The following ATP8A2 variants were observed in gnomAD, a reference collection of about 807,000 sequenced individuals.
ATP8A2 encodes the protein ATPase phospholipid transporting 8A2.
In ATP8A2, 100 loss-of-function variants were observed where a neutral mutation model predicts 165.6. The ratio of observed to expected loss-of-function variants is 0.60; its 90% CI spans 0.51 to 0.71. The LOEUF (loss-of-function observed/expected upper bound fraction) is 0.71. Among genes scored for constraint, ATP8A2 ranks in the 30% least tolerant of loss-of-function variants. The pLI is 0.00. For missense variants in ATP8A2, 1,227 were observed against 1,479.5 expected (o/e 0.83, Z 2.80); for synonymous variants, 543 against 548.8 (o/e 0.99, Z 0.15).
chr13:25,923,601 T>C (rs531070950), intron 33 of ATP8A2, among the ~76,000 whole-genome samples: 1 of 146,672 alleles, frequency 6.8e-6, no homozygotes, highest in African/African-American at 2.5e-5. Flanking sequence ...CAGTGTAGCC[T>C]GGGGATAATT....
chr13:25,777,607 A>G (rs1344500496), intron 27 of ATP8A2, among the ~76,000 whole-genome samples: 1 of 152,266 alleles, frequency 6.6e-6, no homozygotes, highest in Non-Finnish European at 1.5e-5. Context: ...CCTCTAAGAT[A>G]CATAACTACT....
intron 25 of ATP8A2, among the ~76,000 whole-genome samples, chr13:25,729,996 T>C (rs1246449375): frequency 6.6e-6 from 1 of 152,204 alleles, no homozygotes. Context: ...TCTAACTTAA[T>C]TTATTAGAAA....
At chr13:25,913,228 G>A (rs976709298) in intron 33 of ATP8A2, among the ~76,000 whole-genome samples, 2 of 152,120 alleles carry the variant, frequency 1.3e-5, no homozygotes, top group Non-Finnish European at 2.9e-5. Context: ...TGACTCTGAA[G>A]CCTACACTGT....
intron 23 of ATP8A2, 29 bp downstream of exon 23, chr13:25,581,986 T>C: frequency 6.3e-7 from 1 of 1,580,914 alleles, no homozygotes; most frequent in Non-Finnish European, 8.6e-7. Context: ...AATTTCCTGA[T>C]GCTGGGTTTT....
intron 1 of ATP8A2, among the ~76,000 whole-genome samples, chr13:25,453,497 C>T (rs1490043439): frequency 6.6e-6 from 1 of 152,040 alleles, no homozygotes; most frequent in Admixed American, 6.6e-5. Context: ...CGGCTTATGG[C>T]CTCGGGATTG....
At chr13:25,458,710 G>T (rs1460449611) in intron 1 of ATP8A2, among the ~76,000 whole-genome samples, 1 of 152,202 alleles carries the variant, frequency 6.6e-6, no homozygotes, top group African/African-American at 2.4e-5. Flanking sequence ...TCTCCGTGGG[G>T]AAAGTTTTCC....
intron 2 of ATP8A2, among the ~76,000 whole-genome samples, chr13:25,481,473 C>A (rs1016242089): frequency 1.3e-5 from 2 of 152,112 alleles, no homozygotes; most frequent in South Asian, 2.1e-4. Context: ...GATTCTTAAA[C>A]CATTTGTTCT....
chr13:25,867,914 C>T, intron 33 of ATP8A2: 1 of 220,892 alleles, frequency 4.5e-6, no homozygotes, highest in South Asian at 5.2e-5. Flanking sequence ...ACAAAAGTGT[C>T]TTTTTTTTAT....
intron 33 of ATP8A2, among the ~76,000 whole-genome samples, chr13:25,890,462 T>C (rs1404353523): frequency 6.6e-6 from 1 of 152,246 alleles, no homozygotes; most frequent in Non-Finnish European, 1.5e-5. Context: ...AAATATATTG[T>C]ACTAGAAGAT....
At chr13:25,432,336 A>G (rs640894) in intron 1 of ATP8A2, among the ~76,000 whole-genome samples, 105,548 of 152,038 alleles carry the variant, frequency 0.69, 37,219 homozygotes, top group East Asian at 0.99. Context: ...ATGGCCAGAA[A>G]ACAACTTTTG....
At chr13:25,827,262 C>A (rs1300539744) in intron 27 of ATP8A2, among the ~76,000 whole-genome samples, 2 of 152,134 alleles carry the variant, frequency 1.3e-5, no homozygotes, top group Admixed American at 6.5e-5. Flanking sequence ...CAGGTGCGTG[C>A]CACCACACCC....
intron 35 of ATP8A2, among the ~76,000 whole-genome samples, chr13:26,009,909 T>C (rs1956808633): frequency 6.6e-6 from 1 of 151,802 alleles, no homozygotes; most frequent in African/African-American, 2.4e-5. Flanking sequence ...CTACTAAAAA[T>C]ACAAAAATTA....
intron 33 of ATP8A2, among the ~76,000 whole-genome samples, chr13:25,884,345 C>T (rs1953076213): frequency 6.6e-6 from 1 of 152,110 alleles, no homozygotes; most frequent in African/African-American, 2.4e-5. Flanking sequence ...CATGTCGGGA[C>T]CTCATTCCCT....
At chr13:25,799,302 G>A (rs894999210) in intron 27 of ATP8A2, among the ~76,000 whole-genome samples, 1 of 152,126 alleles carries the variant, frequency 6.6e-6, no homozygotes, top group Non-Finnish European at 1.5e-5. Context: ...CTTTCCTTTT[G>A]GGGTAGGAAG....
At chr13:25,423,865 C>T (rs572784518) in intron 1 of ATP8A2, among the ~76,000 whole-genome samples, 1 of 152,292 alleles carries the variant, frequency 6.6e-6, no homozygotes, top group East Asian at 1.9e-4. Context: ...AAGGAATCTA[C>T]AAGCCAGTGA....
intron 25 of ATP8A2, among the ~76,000 whole-genome samples, chr13:25,767,068 A>G (rs910485996): frequency 1.3e-5 from 2 of 152,226 alleles, no homozygotes; most frequent in Non-Finnish European, 2.9e-5. Flanking sequence ...TGTGGCTCCC[A>G]GGTTGTTTTC....
intron 24 of ATP8A2, among the ~76,000 whole-genome samples, chr13:25,674,633 A>G (rs2042335929): frequency 6.6e-6 from 1 of 152,214 alleles, no homozygotes; most frequent in South Asian, 2.1e-4. Flanking sequence ...TAAAATTCCC[A>G]TCAGACTTGG....
At chr13:25,605,587 A>G (rs1219280520) in intron 24 of ATP8A2, among the ~76,000 whole-genome samples, 2 of 152,170 alleles carry the variant, frequency 1.3e-5, no homozygotes, top group African/African-American at 2.4e-5. Flanking sequence ...TAGTGTATAT[A>G]CATATATGCC....
At chr13:25,648,074 T>A (rs1351954084) in intron 24 of ATP8A2, among the ~76,000 whole-genome samples, 1 of 152,188 alleles carries the variant, frequency 6.6e-6, no homozygotes, top group African/African-American at 2.4e-5. Flanking sequence ...GGTCTCTTGA[T>A]GATATCCCAT....
Sources: allele counts gnomAD v4.1 joint callset (sites outside exome capture counted in the v4.1 genomes callset), GRCh38; gene constraint gnomAD v4.1.1; transcripts MANE v1.5; gene names NCBI Gene and HGNC (gene_info 2026-07-23, HGNC 2026-07-21).